CDH4: variants seen among roughly 807,000 people sequenced by gnomAD.
The protein encoded by CDH4 is cadherin-4.
A neutral mutation model predicts 86.0 loss-of-function variants in CDH4; 33 were observed. That is an observed-to-expected ratio of 0.38 (90% CI 0.29 to 0.51). The LOEUF (loss-of-function observed/expected upper bound fraction) is 0.51. CDH4 is among the 20% of genes least tolerant of loss of function. The pLI, the probability that CDH4 is intolerant of heterozygous loss-of-function variation, is 0.86. For synonymous variants in CDH4, 555 were observed against 549.4 expected (o/e 1.01, Z -0.14); for missense variants, 1,114 against 1,307.4 (o/e 0.85, Z 2.28).
chr20:61,594,239 T>C (rs1457503225), intron 2 of CDH4, among the ~76,000 whole-genome samples: 3 of 64,794 alleles, frequency 4.6e-5, no homozygotes, highest in Non-Finnish European at 8.6e-5. Context: ...GGGGCTGAGC[T>C]GAGCAGGGGA....
chr20:61,584,544 G>C (rs1342231409), intron 2 of CDH4, among the ~76,000 whole-genome samples: 2 of 152,190 alleles, frequency 1.3e-5, no homozygotes, highest in Non-Finnish European at 2.9e-5. Context: ...CACATCCGCT[G>C]CTGTCTCCAG....
At chr20:61,294,474 C>A (rs906805208) in intron 2 of CDH4, among the ~76,000 whole-genome samples, 1 of 152,216 alleles carries the variant, frequency 6.6e-6, no homozygotes, top group African/African-American at 2.4e-5. Context: ...GGAAACACAG[C>A]TGCTCTTCCC....
intron 2 of CDH4, among the ~76,000 whole-genome samples, chr20:61,686,980 G>T (rs1002920183): frequency 6.6e-6 from 1 of 151,096 alleles, no homozygotes; most frequent in Non-Finnish European, 1.5e-5. Context: ...GACTAGCAAG[G>T]TGTTTTTTCA....
Position 61,592,925 on chromosome 20 carries a change from G to A in CDH4, c.170-150638G>A, listed in dbSNP as rs143345425. Reference sequence around the variant, plus strand: ...GATGTGGCAAAGGGACTTCGTGGGGGTGACGAAGTTTAGGACCTTGAAATG... The same window carrying A: ...GATGTGGCAAAGGGACTTCGTGGGGATGACGAAGTTTAGGACCTTGAAATG... On this transcript the variant is annotated intron_variant, in intron 2 of 15. Coordinates refer to ENST00000614565, the MANE Select transcript of CDH4 (RefSeq NM_001794.5). Among the ~76,000 whole-genome samples, 3 of 152,338 alleles carry A rather than the reference G, an allele frequency of 2.0e-5. No individual in the cohort carries two copies. In the East Asian group the frequency reaches 5.8e-4, roughly 29 times the overall value.
chr20:61,689,597 G>A (rs1600877100), intron 2 of CDH4, among the ~76,000 whole-genome samples: 1 of 130,308 alleles, frequency 7.7e-6, no homozygotes, highest in Non-Finnish European at 1.6e-5. Flanking sequence ...GGGGACAGTG[G>A]TTGGTGAAGT....
intron 2 of CDH4, among the ~76,000 whole-genome samples, chr20:61,354,994 TAAAG>T (rs1340994905): frequency 6.6e-6 from 1 of 152,122 alleles, no homozygotes; most frequent in African/African-American, 2.4e-5. Flanking sequence ...CATTTTCCCA[TAAAG>T]AAAAGCAAAG....
chr20:61,693,884 C>CTTTT lies in CDH4; in HGVS notation c.170-49656_170-49653dup, dbSNP rs11479778. Reference sequence around the variant, plus strand: ...AACGCTTCTCAGACACTCTTTCTTTCTTTTTTTTTTTTTTTTTTTTTTTTT... The same window carrying CTTTT: ...AACGCTTCTCAGACACTCTTTCTTTCTTTTTTTTTTTTTTTTTTTTTTTTTTTTT... On this transcript the variant is annotated intron_variant, in intron 2 of 15. Transcript: ENST00000614565. Among the ~76,000 whole-genome samples the CTTTT allele has an allele frequency of 2.6e-3, 215 of 82,706 alleles. 2 individuals carry two copies. Among genetic ancestry groups the CTTTT allele is most frequent in the Non-Finnish European group, 3.2e-3 (148 of 46,082 alleles). 54.3% of individuals were successfully genotyped at this position (82,706 alleles called of 152,430 possible).
At chr20:61,706,723 G>T (rs1306400893) in intron 2 of CDH4, among the ~76,000 whole-genome samples, 1 of 152,118 alleles carries the variant, frequency 6.6e-6, no homozygotes, top group African/African-American at 2.4e-5. Flanking sequence ...GAATTCTCCC[G>T]AGCCCGCTGC....
chr20:61,581,620 C>T (rs1285482061), intron 2 of CDH4, among the ~76,000 whole-genome samples: 1 of 152,134 alleles, frequency 6.6e-6, no homozygotes, highest in Non-Finnish European at 1.5e-5. Context: ...CGGACCCGCC[C>T]TGCTTCCTCC....
At chr20:61,360,464 G>C (rs146809696) in intron 2 of CDH4, among the ~76,000 whole-genome samples, 1 of 152,308 alleles carries the variant, frequency 6.6e-6, no homozygotes, top group East Asian at 1.9e-4. Flanking sequence ...TGGACAGTTG[G>C]CATCTGCTGG....
At chr20:61,666,581 T>C (rs1214020229) in intron 2 of CDH4, among the ~76,000 whole-genome samples, 2 of 152,196 alleles carry the variant, frequency 1.3e-5, no homozygotes, top group African/African-American at 4.8e-5. Flanking sequence ...AGGACGGAGC[T>C]GAGGCCTAGG....
chr20:61,902,826 C>G lies in CDH4; in HGVS notation c.1189-7596C>G, dbSNP rs1043802833. On this transcript the variant is annotated intron_variant, in intron 8 of 15. Transcript: ENST00000614565. The surrounding 1 kb of genome is among the most constrained non-coding windows in gnomAD (Gnocchi z 4.6). ...AGACGTCTAAGTATGAGGTCAGCGC[C>G]TCGTCACCACCTGTCTCAGAGAGCT... Among the ~76,000 whole-genome samples the G allele has an allele frequency of 1.3e-5, 2 of 152,120 alleles. No homozygotes were observed. Among genetic ancestry groups the G allele is most frequent in the African/African-American group, 4.8e-5 (2 of 41,428 alleles).
At chr20:61,776,416 T>A (rs1414002655) in intron 4 of CDH4, among the ~76,000 whole-genome samples, 5 of 152,152 alleles carry the variant, frequency 3.3e-5, no homozygotes, top group Non-Finnish European at 7.4e-5. Context: ...AGCTGCAAAT[T>A]CCGTGCTCCC....
At chr20:61,890,877 A>T (rs1048419585) in intron 7 of CDH4, among the ~76,000 whole-genome samples, 3 of 152,146 alleles carry the variant, frequency 2.0e-5, no homozygotes, top group Non-Finnish European at 4.4e-5. Context: ...CTTTGGACAC[A>T]AAGCTGGACA....
intron 5 of CDH4, among the ~76,000 whole-genome samples, chr20:61,848,201 G>T (rs1183533848): frequency 6.6e-6 from 1 of 152,188 alleles, no homozygotes; most frequent in Non-Finnish European, 1.5e-5. Context: ...CACCACGGAT[G>T]CACTCAGGCC....
At chr20:61,578,748 G>A (rs2086403451) in intron 2 of CDH4, among the ~76,000 whole-genome samples, 1 of 152,120 alleles carries the variant, frequency 6.6e-6, no homozygotes, top group African/African-American at 2.4e-5. Context: ...CAACTGATAT[G>A]AGCTAACATC....
chr20:61,590,536 C>T (rs1249182790), intron 2 of CDH4, among the ~76,000 whole-genome samples: 2 of 152,186 alleles, frequency 1.3e-5, no homozygotes, highest in Non-Finnish European at 2.9e-5. Context: ...CACGTGTCTG[C>T]GTGCTGCAGT....
intron 2 of CDH4, among the ~76,000 whole-genome samples, chr20:61,728,026 G>A (rs1363932138): frequency 6.6e-6 from 1 of 152,198 alleles, no homozygotes; most frequent in Non-Finnish European, 1.5e-5. Context: ...TCTTCATTAT[G>A]GAAGAAAGAG....
rs1041188441 is a variant in CDH4, at chr20:61,940,467, GAAAA to G, written c.*3530_*3533del. On this transcript the variant is annotated 3_prime_UTR_variant, in exon 16 of 16. Transcript: ENST00000614565. Reference sequence around the variant, plus strand: ...ATCATTTTGTACCAAAAAAAAAAAGGAAAAAAAAAGGGAAGAGAGTTGATGTTTT... The same window carrying G: ...ATCATTTTGTACCAAAAAAAAAAAGGAAAAAGGGAAGAGAGTTGATGTTTT... The G allele has an allele frequency of 6.7e-6, 1 of 150,018 alleles. No individual in the cohort carries two copies. The highest frequency in any genetic ancestry group is 2.1e-4 in the South Asian group (1 of 4,736). The allele number at this position is 150,018 out of a possible 1,614,324, so 9.3% of individuals were successfully genotyped here.
Sources: allele counts gnomAD v4.1 joint callset (sites outside exome capture counted in the v4.1 genomes callset), GRCh38; gene constraint gnomAD v4.1.1; non-coding constraint Gnocchi (gnomAD v3.1); transcripts MANE v1.5; gene names NCBI Gene and HGNC (gene_info 2026-07-23, HGNC 2026-07-21).